The following CCDC150 variants were observed in gnomAD, a reference collection of about 807,000 sequenced individuals.
CCDC150 encodes the protein coiled-coil domain containing 150.
CCDC150 carries 151 observed loss-of-function variants against 156.5 expected under a neutral mutation model. That is an observed-to-expected ratio of 0.97 (90% confidence interval 0.85 to 1.10). The LOEUF (loss-of-function observed/expected upper bound fraction) is 1.10, where lower values mean the gene tolerates loss of function less well. Among genes scored for constraint, CCDC150 ranks in the 50% least tolerant of loss-of-function variants. The pLI is 0.00. For missense variants in CCDC150, 1,312 were observed against 1,268.1 expected (o/e 1.03, Z -0.53); for synonymous variants, 452 against 429.4 (o/e 1.05, Z -0.65).
chr2:196,659,923 G>GGATC (rs1438788066), intron 5 of CCDC150, among the ~76,000 whole-genome samples: 1 of 152,106 alleles, frequency 6.6e-6, no homozygotes, highest in Non-Finnish European at 1.5e-5. Context: ...TATCATTACA[G>GGATC]GATCACACAG....
chr2:196,709,571 G>T lies in CCDC150; in HGVS notation c.1696-2574G>T, dbSNP rs536110039. 3.9e-5 allele frequency among the ~76,000 whole-genome samples: 6 copies of T among 152,226 alleles called. No homozygotes were observed. The South Asian group carries it at 1.0e-3, about 26-fold the overall frequency. On this transcript the variant is annotated intron_variant, in intron 15 of 27. Transcript: ENST00000389175. ...TGCTGGTGAGGAGCTGTGATCCTTT[G>T]GGGGAGAAGAGGCACTCTGGTTTTT... is the stretch of plus-strand genomic sequence containing the variant.
intron 15 of CCDC150, among the ~76,000 whole-genome samples, chr2:196,704,633 G>GTTGGTTTGCTGCACCCA (rs1696472815): frequency 6.6e-6 from 1 of 152,066 alleles, no homozygotes; most frequent in Non-Finnish European, 1.5e-5. Context: ...CATGTGCCAT[G>GTTGGTTTGCTGCACCCA]TTGGTTTGCT....
At chr2:196,669,614 C>T (rs1009936368) in intron 7 of CCDC150, among the ~76,000 whole-genome samples, 2 of 152,166 alleles carry the variant, frequency 1.3e-5, no homozygotes, top group African/African-American at 4.8e-5. Flanking sequence ...CCCTCCTCAG[C>T]TTAAAATCCT....
At chr2:196,646,250 C>A (rs748139600) in intron 1 of CCDC150, 91 bp from the exon 2 acceptor site, 24 of 1,186,406 alleles carry the variant, frequency 2.0e-5, no homozygotes, top group Non-Finnish European at 2.5e-5. Flanking sequence ...TTCAACAGGA[C>A]AGTGATGCCT....
intron 15 of CCDC150, among the ~76,000 whole-genome samples, chr2:196,704,093 G>A (rs1696425520): frequency 6.6e-6 from 1 of 152,224 alleles, no homozygotes; most frequent in Non-Finnish European, 1.5e-5. Context: ...CAAAACAGTA[G>A]TCTGCTGTGT....
At chr2:196,732,317 C>T (rs1027090504) in intron 27 of CCDC150, 129 bp from the exon 28 acceptor site, 1 of 1,127,594 alleles carries the variant, frequency 8.9e-7, no homozygotes, top group South Asian at 1.5e-5. Context: ...AAAGTTCCAC[C>T]TGTCACAAAC....
intron 15 of CCDC150, among the ~76,000 whole-genome samples, chr2:196,704,184 G>C (rs1037746171): frequency 2.6e-5 from 4 of 152,312 alleles, no homozygotes; most frequent in African/African-American, 9.6e-5. Flanking sequence ...GAATCAACTT[G>C]TTAATGAATG....
At position 196,684,478 on chromosome 2, in the gene CCDC150, C is replaced by A. The variant is rs565754375; in HGVS notation, c.1509+7117C>A. Reference sequence around the variant, plus strand: ...GTTTTGTGGTATAACAGGGTTATACCCTGAAGAATGTTCCATGTGCATTTG... The same window carrying A: ...GTTTTGTGGTATAACAGGGTTATACACTGAAGAATGTTCCATGTGCATTTG... On this transcript the variant is annotated intron_variant, in intron 13 of 27. Coordinates refer to ENST00000389175, the MANE Select transcript of CCDC150 (RefSeq NM_001080539.2). Among the ~76,000 whole-genome samples, 20 of 151,850 alleles carry A rather than the reference C, an allele frequency of 1.3e-4. No individual in the cohort carries two copies. The South Asian group carries it at 4.2e-3, about 32-fold the overall frequency.
At chr2:196,653,603 T>TG (rs1436445271) in intron 2 of CCDC150, among the ~76,000 whole-genome samples, 1 of 152,194 alleles carries the variant, frequency 6.6e-6, no homozygotes, top group Non-Finnish European at 1.5e-5. Flanking sequence ...GTATGTCCTC[T>TG]GTCTATATTT....
chr2:196,688,332 T>G (rs1256443327), intron 13 of CCDC150, among the ~76,000 whole-genome samples: 2 of 152,142 alleles, frequency 1.3e-5, no homozygotes, highest in Non-Finnish European at 2.9e-5. Context: ...GTAGCTGTAT[T>G]CCTAGGTATT....
chr2:196,672,885 C>T (rs1162083841), intron 9 of CCDC150, among the ~76,000 whole-genome samples: 2 of 151,936 alleles, frequency 1.3e-5, no homozygotes, highest in African/African-American at 4.8e-5. Context: ...ATGGTGATTC[C>T]CAAATTTAGC....
chr2:196,718,566 G>A lies in CCDC150; in HGVS notation c.1930G>A (p.Ala644Thr), dbSNP rs762033699. Residue 644 changes from alanine to threonine, a missense_variant, in exon 18 of 28, where the codon GCC becomes ACC. Physicochemically the swap from Ala to Thr is moderately conservative, Grantham distance 58 (BLOSUM62 0). Transcript: ENST00000389175. ...LSRTVKCRNA[A>T]LKESQKLKED... Reference sequence around the variant, plus strand: ...CCGAACAGTGAAGTGTCGTAATGCGGCCCTGAAAGAGAGTCAGAAGTTGAA... The same window carrying A: ...CCGAACAGTGAAGTGTCGTAATGCGACCCTGAAAGAGAGTCAGAAGTTGAA... 2 of 1,613,778 alleles carry A rather than the reference G, an allele frequency of 1.2e-6. No individual in the cohort carries two copies. The highest frequency in any genetic ancestry group is 2.2e-5 in the South Asian group (2 of 91,038).
intron 13 of CCDC150, among the ~76,000 whole-genome samples, chr2:196,684,292 A>C (rs1695005315): frequency 1.3e-5 from 2 of 151,852 alleles, no homozygotes; most frequent in South Asian, 4.2e-4. Flanking sequence ...ATTTCCCTTG[A>C]GATTTCTTTT....
Position 196,657,013 on chromosome 2 carries a change from G to A in CCDC150, c.453G>A (p.Lys151=). 6.2e-7 allele frequency: 1 copy of A among 1,613,710 alleles called. No homozygotes were observed. Among genetic ancestry groups the A allele is most frequent in the Admixed American group, 1.7e-5 (1 of 59,956 alleles). Residue 151 remains lysine, a synonymous_variant, in exon 4 of 28, where the codon AAG becomes AAA. Coordinates refer to ENST00000389175, the MANE Select transcript of CCDC150 (RefSeq NM_001080539.2). ...AIQEEHSKDL[K]LLHLEVMNLR... ...AGGAAGAGCATTCTAAGGACCTGAA[G>A]CTGTTGCATCTCGAAGTTATGAATT...
At position 196,713,660 on chromosome 2, in the gene CCDC150, C is replaced by A. The variant is rs778060938; in HGVS notation, c.1866+921C>A. The A allele has an allele frequency of 5.0e-6, 7 of 1,407,322 alleles. No homozygotes were observed. The South Asian group carries it at 1.1e-4, about 21-fold the overall frequency. The allele number at this position is 1,407,322 out of a possible 1,614,324, so 87.2% of individuals were successfully genotyped here. A position where few individuals can be genotyped will look rare whatever the true frequency, so the allele number is the denominator to read the frequency against. ...AAGACCTTTAATAAATGATGAATCA[C>A]CAAATTTTCTTAAACAGGACTCGGT... On this transcript the variant is annotated intron_variant, in intron 17 of 27. Coordinates refer to ENST00000389175, the MANE Select transcript of CCDC150 (RefSeq NM_001080539.2).
At position 196,729,774 on chromosome 2, in the gene CCDC150, A is replaced by AT; in HGVS notation, c.2752-15dup. ...TTTCCACTGATCATCTTTTTATGTT[A>AT]TTTTCCAATTACTTTTAGCAAATAG... On this transcript the variant is annotated intron_variant, in intron 23 of 27. Transcript: ENST00000389175. 1 of 1,490,532 alleles carries AT rather than the reference A, an allele frequency of 6.7e-7. No individual in the cohort carries two copies. The highest frequency in any genetic ancestry group is 9.2e-7 in the Non-Finnish European group (1 of 1,087,832). The allele number at this position is 1,490,532 out of a possible 1,614,324, so 92.3% of individuals were successfully genotyped here. A position where few individuals can be genotyped will look rare whatever the true frequency, so the allele number is the denominator to read the frequency against.
intron 22 of CCDC150, chr2:196,727,502 T>C (rs958023084): frequency 6.6e-6 from 1 of 152,184 alleles, no homozygotes; most frequent in African/African-American, 2.4e-5. Flanking sequence ...GCATGGCTGG[T>C]CTGTGTTTCA....
At chr2:196,662,393 G>A (rs921235859) in intron 5 of CCDC150, among the ~76,000 whole-genome samples, 4 of 152,182 alleles carry the variant, frequency 2.6e-5, no homozygotes, top group Admixed American at 1.3e-4. Flanking sequence ...GGTTGTGGGG[G>A]TTGAGGGGAA....
At chr2:196,665,485 T>C in intron 5 of CCDC150, 82 bp from the exon 6 acceptor site, 1 of 722,216 alleles carries the variant, frequency 1.4e-6, no homozygotes, top group Non-Finnish European at 2.3e-6. Context: ...ATGGCATGTC[T>C]GATAAACTTC....
Sources: gnomAD v4.1 joint callset for allele counts (sites outside exome capture counted in the v4.1 genomes callset) on GRCh38, gnomAD v4.1.1 for gene constraint, MANE v1.5 for transcripts, NCBI Gene and HGNC (gene_info 2026-07-23, HGNC 2026-07-21) for gene names.